The following PPP2R2B variants were observed in gnomAD, a reference collection of about 807,000 sequenced individuals.
PPP2R2B encodes the protein protein phosphatase 2 regulatory subunit Bbeta.
In PPP2R2B, 5 loss-of-function variants were observed where a neutral mutation model predicts 46.0. The ratio of observed to expected loss-of-function variants is 0.11; its 90% confidence interval spans 0.06 to 0.23. The LOEUF (loss-of-function observed/expected upper bound fraction) is 0.23. PPP2R2B is among the 10% of genes least tolerant of loss of function. The pLI is 1.00. For missense variants in PPP2R2B, 367 were observed against 575.0 expected (o/e 0.64, Z 3.70); for synonymous variants, 215 against 206.7 (o/e 1.04, Z -0.34).
At chr5:146,629,031 C>T (rs1332402144) in intron 7 of PPP2R2B, among the ~76,000 whole-genome samples, 4 of 152,176 alleles carry the variant, frequency 2.6e-5, no homozygotes. Context: ...TTCCTGGGCC[C>T]TCAGTTATTC....
intron 1 of PPP2R2B, chr5:146,914,118 A>T (rs1489237734): frequency 6.6e-6 from 1 of 152,204 alleles, no homozygotes; most frequent in Non-Finnish European, 1.5e-5. Flanking sequence ...GACTTAGTGC[A>T]TATGTAAATT....
intron 1 of PPP2R2B, among the ~76,000 whole-genome samples, chr5:147,019,944 T>C (rs1755183427): frequency 6.6e-6 from 1 of 152,184 alleles, no homozygotes; most frequent in Non-Finnish European, 1.5e-5. Context: ...GCATGGGTAC[T>C]AGATCTGGCC....
At chr5:146,858,165 T>G (rs1233889113) in intron 2 of PPP2R2B, among the ~76,000 whole-genome samples, 1 of 152,206 alleles carries the variant, frequency 6.6e-6, no homozygotes, top group Admixed American at 6.5e-5. Context: ...TTAGAGAGGT[T>G]AAATAACTTG....
chr5:146,842,295 G>T (rs1759699350), intron 2 of PPP2R2B, among the ~76,000 whole-genome samples: 1 of 152,048 alleles, frequency 6.6e-6, no homozygotes, highest in African/African-American at 2.4e-5. Context: ...CCCCGCTATG[G>T]AGAGGAGCCA....
intron 1 of PPP2R2B, among the ~76,000 whole-genome samples, chr5:146,900,094 G>A (rs1290452572): frequency 6.6e-6 from 1 of 152,160 alleles, no homozygotes; most frequent in African/African-American, 2.4e-5. Context: ...GCTGGGGCTG[G>A]GGAACCGGAA....
At chr5:147,029,057 A>G (rs1428629119) in intron 1 of PPP2R2B, among the ~76,000 whole-genome samples, 2 of 152,162 alleles carry the variant, frequency 1.3e-5, no homozygotes, top group Non-Finnish European at 2.9e-5. Context: ...GTCTGTTGGT[A>G]GTCACCTGCT....
intron 5 of PPP2R2B, among the ~76,000 whole-genome samples, chr5:146,659,739 T>C (rs1020403776): frequency 6.6e-6 from 1 of 152,318 alleles, no homozygotes; most frequent in South Asian, 2.1e-4. Flanking sequence ...TCATGAAGTT[T>C]GCCCAAGGTC....
chr5:146,995,361 A>G (rs1299731845), intron 1 of PPP2R2B, among the ~76,000 whole-genome samples: 1 of 152,206 alleles, frequency 6.6e-6, no homozygotes, highest in Non-Finnish European at 1.5e-5. Context: ...TGACCTGTCT[A>G]TAGAAAAAGC....
chr5:146,919,862 T>A (rs1233288547), intron 1 of PPP2R2B: 1 of 152,200 alleles, frequency 6.6e-6, no homozygotes, highest in African/African-American at 2.4e-5. Context: ...AGAAAAATAG[T>A]TGGGCACTGA....
chr5:146,821,184 A>T (rs1758238715), intron 2 of PPP2R2B, among the ~76,000 whole-genome samples: 1 of 152,154 alleles, frequency 6.6e-6, no homozygotes, highest in East Asian at 1.9e-4. Context: ...ATATCCACAG[A>T]CAACACGTGC....
intron 2 of PPP2R2B, among the ~76,000 whole-genome samples, chr5:146,807,167 G>A (rs903690137): frequency 1.3e-5 from 2 of 152,110 alleles, no homozygotes; most frequent in African/African-American, 4.8e-5. Context: ...GTACATGAAA[G>A]CTTAAGAATC....
exon 1 of PPP2R2B, chr5:147,081,379 T>A (rs772706835): frequency 2.6e-5 from 35 of 1,369,070 alleles, no homozygotes; most frequent in Non-Finnish European, 3.3e-5. Flanking sequence ...CAGGACCAGT[T>A]TGAACTGGAG....
chr5:146,708,861 T>C (rs1455106326), intron 2 of PPP2R2B, among the ~76,000 whole-genome samples: 1 of 152,208 alleles, frequency 6.6e-6, no homozygotes, highest in East Asian at 1.9e-4. Context: ...CCATGAAGTA[T>C]TCTACCTTTT....
chr5:146,738,710 G>C (rs1371373231), intron 2 of PPP2R2B, among the ~76,000 whole-genome samples: 1 of 152,140 alleles, frequency 6.6e-6, no homozygotes, highest in Non-Finnish European at 1.5e-5. Context: ...GAGCACCTTG[G>C]TCAGATGTCG....
intron 2 of PPP2R2B, among the ~76,000 whole-genome samples, chr5:146,796,624 T>C (rs1455326867): frequency 2.0e-5 from 3 of 152,134 alleles, no homozygotes; most frequent in African/African-American, 4.8e-5. Context: ...GGCTCATAAT[T>C]GATGATTAAT....
chr5:146,922,903 GTTGGAGA>G (rs1763655301), intron 1 of PPP2R2B, among the ~76,000 whole-genome samples: 1 of 152,146 alleles, frequency 6.6e-6, no homozygotes, highest in Admixed American at 6.5e-5. Context: ...CTCTCTCCCT[GTTGGAGA>G]TTCATGTAGA....
chr5:146,823,345 C>G (rs1758384727), intron 2 of PPP2R2B, among the ~76,000 whole-genome samples: 3 of 152,046 alleles, frequency 2.0e-5, no homozygotes, highest in Admixed American at 1.3e-4. Flanking sequence ...CTACAGGCGC[C>G]CACCACAAGG....
Position 146,849,790 on chromosome 5 carries a change from T to C in PPP2R2B, c.70+28212A>G, listed in dbSNP as rs1413830758. On this transcript the variant is annotated intron_variant, in intron 2 of 9. Coordinates refer to ENST00000394411, the MANE Select transcript of PPP2R2B (RefSeq NM_181675.4). ...TTTGTTTCTCCACAGCAATTTACAT[T>C]TATTAAAATAGATAATAGGCATAAT... is the stretch of plus-strand genomic sequence containing the variant. 2.6e-5 allele frequency among the ~76,000 whole-genome samples: 4 copies of C among 152,172 alleles called. No individual in the cohort carries two copies. The South Asian group carries it at 8.3e-4, about 32-fold the overall frequency.
intron 2 of PPP2R2B, among the ~76,000 whole-genome samples, chr5:146,734,215 C>T (rs1305718172): frequency 6.6e-6 from 1 of 152,004 alleles, no homozygotes; most frequent in Non-Finnish European, 1.5e-5. Context: ...ACCACCATAC[C>T]TGGCTAATGT....
Sources: gnomAD v4.1 joint callset for allele counts (sites outside exome capture counted in the v4.1 genomes callset) on GRCh38, gnomAD v4.1.1 for gene constraint, MANE v1.5 for transcripts, NCBI Gene and HGNC (gene_info 2026-07-23, HGNC 2026-07-21) for gene names.